RYR2: variants seen among roughly 807,000 people sequenced by gnomAD.
RYR2 encodes the protein cardiac muscle ryanodine receptor-calcium release channel.
In RYR2, 227 loss-of-function variants were observed where a neutral mutation model predicts 601.1. The ratio of observed to expected loss-of-function variants is 0.38; its 90% CI spans 0.34 to 0.42. The LOEUF (loss-of-function observed/expected upper bound fraction) is 0.42. Among genes scored for constraint, RYR2 ranks in the 10% least tolerant of loss-of-function variants. The pLI is 1.00. For missense variants in RYR2, 4,646 were observed against 6,156.5 expected, an observed-to-expected ratio of 0.75 and a Z score of 8.21; for synonymous variants, 2,223 against 2,175.1, an observed-to-expected ratio of 1.02 and a Z score of -0.61.
chr1:237,767,790 A>G (rs778141047), intron 84 of RYR2, among the ~76,000 whole-genome samples: 3 of 152,192 alleles, frequency 2.0e-5, no homozygotes, highest in Non-Finnish European at 2.9e-5. Context: ...CTATTTTAAA[A>G]TATCTGTAGC....
intron 71 of RYR2, among the ~76,000 whole-genome samples, chr1:237,716,351 TTTTCATTATCA>T (rs1181827177): frequency 1.3e-5 from 2 of 152,104 alleles, no homozygotes; most frequent in Non-Finnish European, 2.9e-5. Flanking sequence ...ATTAAAATAT[TTTTCATTATCA>T]TTTCATTATC....
At position 237,700,234 on chromosome 1, in the gene RYR2, T is replaced by C. The variant is rs1687848357; in HGVS notation, c.9134T>C (p.Val3045Ala). 1 of 1,551,998 alleles carries C rather than the reference T, an allele frequency of 6.4e-7. No homozygotes were observed. The highest frequency in any genetic ancestry group is 1.9e-5 in the Admixed American group (1 of 52,466). Residue 3045 changes from valine (V) to alanine (A), a missense_variant, in exon 65 of 105, where the codon GTG (valine) becomes GCG (alanine). Coordinates refer to ENST00000366574, the MANE Select transcript of RYR2 (RefSeq NM_001035.3). ...ILGQTLDARTVMKTGLESVKS... is the reference protein window; with the variant it reads ...ILGQTLDARTAMKTGLESVKS... Reference sequence around the variant, plus strand: ...CTCCCTTATTTACTTTCTAGGACAGTGATGAAGACTGGCCTGGAGAGTGTT... The same window carrying C: ...CTCCCTTATTTACTTTCTAGGACAGCGATGAAGACTGGCCTGGAGAGTGTT...
intron 3 of RYR2, among the ~76,000 whole-genome samples, chr1:237,344,858 G>A (rs1558657078): frequency 1.3e-5 from 2 of 152,006 alleles, no homozygotes; most frequent in Non-Finnish European, 2.9e-5. Flanking sequence ...CTGGGCTGGA[G>A]TGCAGTGGCA....
intron 2 of RYR2, among the ~76,000 whole-genome samples, chr1:237,289,700 C>A (rs1412766731): frequency 2.0e-5 from 3 of 152,278 alleles, no homozygotes; most frequent in Admixed American, 2.0e-4. Flanking sequence ...GGTGGGGACA[C>A]AGCCAAACCA....
At chr1:237,296,467 G>A (rs1692791014) in intron 2 of RYR2, among the ~76,000 whole-genome samples, 1 of 152,168 alleles carries the variant, frequency 6.6e-6, no homozygotes. Context: ...GATTTAAGAG[G>A]TAAGAGAGAA....
At chr1:237,121,355 C>CA (rs1056238385) in intron 1 of RYR2, among the ~76,000 whole-genome samples, 18 of 152,218 alleles carry the variant, frequency 1.2e-4, no homozygotes, top group African/African-American at 3.4e-4. Flanking sequence ...TGGCACTTTC[C>CA]AAAAAATTCT....
chr1:237,654,950 T>A (rs771375081), intron 52 of RYR2, among the ~76,000 whole-genome samples: 11 of 152,194 alleles, frequency 7.2e-5, no homozygotes, highest in Non-Finnish European at 1.5e-4. Flanking sequence ...CAGGTGTTGA[T>A]CTTAGAGAAA....
At chr1:237,264,767 C>T (rs1212784419) in intron 1 of RYR2, among the ~76,000 whole-genome samples, 1 of 151,444 alleles carries the variant, frequency 6.6e-6, no homozygotes, top group Admixed American at 6.6e-5. Context: ...GTGATCTCGG[C>T]TCACTGCAAC....
At chr1:237,753,930 T>C (rs1692736940) in intron 80 of RYR2, among the ~76,000 whole-genome samples, 1 of 151,760 alleles carries the variant, frequency 6.6e-6, no homozygotes, top group African/African-American at 2.4e-5. Context: ...AGTTTTTTTT[T>C]TTTTTTTAAT....
chr1:237,164,974 CTTT>C (rs33976720), intron 1 of RYR2, among the ~76,000 whole-genome samples: 77,361 of 148,416 alleles, frequency 0.52, 21,848 homozygotes, highest in Non-Finnish European at 0.64. Context: ...GCTGTTTATT[CTTT>C]TTTTTTTTTT....
chr1:237,283,329 C>G (rs551428011), intron 2 of RYR2, among the ~76,000 whole-genome samples: 1 of 151,920 alleles, frequency 6.6e-6, no homozygotes, highest in Non-Finnish European at 1.5e-5. Context: ...TTCTCTTTTT[C>G]TTCCTCCCTC....
At chr1:237,112,697 A>G (rs1171261028) in intron 1 of RYR2, among the ~76,000 whole-genome samples, 2 of 151,812 alleles carry the variant, frequency 1.3e-5, no homozygotes, top group Non-Finnish European at 2.9e-5. Flanking sequence ...AGTAATAATT[A>G]TGGTTTTATG....
chr1:237,169,343 G>A (rs1677075384), intron 1 of RYR2, among the ~76,000 whole-genome samples: 1 of 150,144 alleles, frequency 6.7e-6, no homozygotes, highest in Admixed American at 6.7e-5. Flanking sequence ...TTTGTCGCCA[G>A]GCTGGAGTGC....
At chr1:237,799,926 C>CAG (rs1659752440) in intron 97 of RYR2, 1 of 152,116 alleles carries the variant, frequency 6.6e-6, no homozygotes, top group Non-Finnish European at 1.5e-5. Context: ...ACTCACCTTC[C>CAG]TGGTTATAGT....
chr1:237,273,937 ATATATT>A (rs919435239), intron 2 of RYR2, among the ~76,000 whole-genome samples: 1 of 145,480 alleles, frequency 6.9e-6, no homozygotes, highest in African/African-American at 2.6e-5. Flanking sequence ...AATATATATT[ATATATT>A]TATATTATAT....
At chr1:237,544,861 G>C (rs976066929) in intron 25 of RYR2, among the ~76,000 whole-genome samples, 1 of 152,092 alleles carries the variant, frequency 6.6e-6, no homozygotes, top group African/African-American at 2.4e-5. Context: ...TGTCAATAGT[G>C]TTATCCATTA....
chr1:237,350,867 G>A (rs1698779583), intron 3 of RYR2, among the ~76,000 whole-genome samples: 1 of 151,432 alleles, frequency 6.6e-6, no homozygotes, highest in African/African-American at 2.4e-5. Context: ...ACAATAATCA[G>A]GCAAATAAAT....
intron 3 of RYR2, among the ~76,000 whole-genome samples, chr1:237,348,457 G>T (rs1377135753): frequency 6.6e-6 from 1 of 152,142 alleles, no homozygotes. Flanking sequence ...AAGGAGGAGG[G>T]GTTTTGATAA....
intron 12 of RYR2, among the ~76,000 whole-genome samples, chr1:237,432,759 T>G (rs1706956908): frequency 2.6e-5 from 4 of 152,140 alleles, no homozygotes; most frequent in Admixed American, 2.6e-4. Context: ...AGTGGTGTCT[T>G]TTTCTTACAT....
Sources: allele counts gnomAD v4.1 joint callset (sites outside exome capture counted in the v4.1 genomes callset), GRCh38; gene constraint gnomAD v4.1.1; transcripts MANE v1.5; gene names NCBI Gene and HGNC (gene_info 2026-07-23, HGNC 2026-07-21).